Variants in APBA1 observed in about 807,000 individuals in gnomAD.
APBA1 encodes amyloid beta precursor protein binding family A member 1.
APBA1 carries 55 observed loss-of-function variants against 86.6 expected under a neutral mutation model. The observed-to-expected ratio is 0.64, with a 90% CI of 0.51 to 0.80. The LOEUF (loss-of-function observed/expected upper bound fraction) is 0.80, where lower values mean the gene tolerates loss of function less well. Among genes scored for constraint, APBA1 ranks in the 30% least tolerant of loss-of-function variants. APBA1 has a pLI of 0.00. For synonymous variants in APBA1, 511 were observed against 493.9 expected, an observed-to-expected ratio of 1.03 and a Z score of -0.46; for missense variants, 1,090 against 1,183.0, an observed-to-expected ratio of 0.92 and a Z score of 1.15.
chr9:69,451,386 T>G (rs1421129390), intron 9 of APBA1, among the ~76,000 whole-genome samples: 1 of 152,176 alleles, frequency 6.6e-6, no homozygotes, highest in Non-Finnish European at 1.5e-5. Context: ...ATGATCACTT[T>G]CTCATTAAAA....
intron 9 of APBA1, among the ~76,000 whole-genome samples, chr9:69,450,678 T>G (rs973524992): frequency 1.3e-5 from 2 of 152,214 alleles, no homozygotes; most frequent in African/African-American, 4.8e-5. Context: ...CAACCCCCAG[T>G]GCCTTTGACT....
At chr9:69,515,872 G>T in intron 2 of APBA1, 139 bp downstream of exon 2, 1 of 889,806 alleles carries the variant, frequency 1.1e-6, no homozygotes. Flanking sequence ...CTGTTTCTGA[G>T]GCTTACGGTG....
At chr9:69,444,165 T>G (rs143084804) in intron 10 of APBA1, among the ~76,000 whole-genome samples, 1 of 152,340 alleles carries the variant, frequency 6.6e-6, no homozygotes, top group Non-Finnish European at 1.5e-5. Flanking sequence ...GTGGCCTCGA[T>G]GTACCATGCG....
rs186184734 is a variant in APBA1, at chr9:69,602,334, G to A, written c.-70+69819C>T. Among the ~76,000 whole-genome samples the A allele has an allele frequency of 2.9e-3, 438 of 152,238 alleles. 4 individuals carry two copies. The highest frequency in any genetic ancestry group is 0.01 in the African/African-American group (417 of 41,528). ...AGCCTGTAATCCCAGCACTTTGGGA[G>A]GACGAGGCGGGCGGATCATGAGGTC... is the stretch of plus-strand genomic sequence containing the variant. On this transcript the variant is annotated intron_variant, in intron 1 of 12. Transcript: ENST00000265381.
intron 1 of APBA1, among the ~76,000 whole-genome samples, chr9:69,584,148 A>T (rs1285664308): frequency 6.6e-6 from 1 of 152,220 alleles, no homozygotes; most frequent in Non-Finnish European, 1.5e-5. Context: ...CAGTGAAAGA[A>T]AATATTGATT....
intron 1 of APBA1, among the ~76,000 whole-genome samples, chr9:69,607,091 T>C (rs1286596725): frequency 6.6e-6 from 1 of 152,230 alleles, no homozygotes; most frequent in Non-Finnish European, 1.5e-5. Flanking sequence ...TGTCTGTTAT[T>C]ATCTCTTTGG....
Position 69,431,312 on chromosome 9 carries a change from C to G in APBA1, c.*15G>C. The G allele has an allele frequency of 6.3e-7, 1 of 1,585,948 alleles. No homozygotes were observed. Among genetic ancestry groups the G allele is most frequent in the Non-Finnish European group, 8.6e-7 (1 of 1,167,308 alleles). ...GAGGAGAGTCCTCCATGCATGCCAC[C>G]GCGTGTGGCCGCGGTCAGATGTAAA... On this transcript the variant is annotated 3_prime_UTR_variant, in exon 13 of 13. Coordinates refer to ENST00000265381, the MANE Select transcript of APBA1 (RefSeq NM_001163.4).
chr9:69,504,230 T>C (rs903711229), intron 2 of APBA1, among the ~76,000 whole-genome samples: 12 of 152,112 alleles, frequency 7.9e-5, no homozygotes, highest in African/African-American at 1.4e-4. Flanking sequence ...AGGTACCCAG[T>C]AGACTCTTTT....
At chr9:69,482,461 A>T (rs1221839843) in intron 2 of APBA1, among the ~76,000 whole-genome samples, 1 of 151,310 alleles carries the variant, frequency 6.6e-6, no homozygotes, top group African/African-American at 2.4e-5. Context: ...ATCATTAAAA[A>T]GTCAGGAAAC....
chr9:69,458,259 G>C, intron 5 of APBA1, 71 bp from the exon 6 acceptor site: 1 of 1,445,192 alleles, frequency 6.9e-7, no homozygotes, highest in Non-Finnish European at 9.5e-7. Flanking sequence ...AAGTCAAAAA[G>C]GGAATTGACA....
At chr9:69,497,534 C>T (rs998281148) in intron 2 of APBA1, among the ~76,000 whole-genome samples, 7 of 152,102 alleles carry the variant, frequency 4.6e-5, no homozygotes, top group Admixed American at 3.3e-4. Flanking sequence ...CCCCAAAGTC[C>T]GAGAGTATCA....
chr9:69,574,032 T>C (rs952780980), intron 1 of APBA1, among the ~76,000 whole-genome samples: 1 of 152,216 alleles, frequency 6.6e-6, no homozygotes, highest in Non-Finnish European at 1.5e-5. Context: ...CCTACAAAAA[T>C]AGTAATTTAT....
At chr9:69,651,470 C>T (rs1228284551) in intron 1 of APBA1, among the ~76,000 whole-genome samples, 1 of 152,008 alleles carries the variant, frequency 6.6e-6, no homozygotes, top group Non-Finnish European at 1.5e-5. Flanking sequence ...TAAATAATGA[C>T]TGACTGTATT....
At chr9:69,567,615 T>A (rs925902803) in intron 1 of APBA1, among the ~76,000 whole-genome samples, 10 of 151,954 alleles carry the variant, frequency 6.6e-5, no homozygotes, top group African/African-American at 2.4e-4. Flanking sequence ...ATGTCCCCCT[T>A]CCTGTGTCCA....
At chr9:69,561,375 T>C (rs1452888052) in intron 1 of APBA1, among the ~76,000 whole-genome samples, 1 of 152,234 alleles carries the variant, frequency 6.6e-6, no homozygotes, top group East Asian at 1.9e-4. Flanking sequence ...CTTTGAGTGA[T>C]ACTGCTTTAG....
chr9:69,457,501 T>C (rs930774205), intron 6 of APBA1, among the ~76,000 whole-genome samples: 13 of 152,170 alleles, frequency 8.5e-5, no homozygotes, highest in African/African-American at 2.7e-4. Context: ...CCAAAAGACC[T>C]TGGGGAAGTC....
intron 2 of APBA1, among the ~76,000 whole-genome samples, chr9:69,492,645 A>T (rs888384056): frequency 2.0e-5 from 3 of 152,128 alleles, no homozygotes; most frequent in African/African-American, 7.2e-5. Context: ...CTCCCGACCA[A>T]GACAGTATTT....
In APBA1 at chr9:69,443,755, G is replaced by C. The variant is rs924111188; in HGVS notation, c.2182-2640C>G. 4.6e-5 allele frequency among the ~76,000 whole-genome samples: 7 copies of C among 152,164 alleles called. No individual in the cohort carries two copies. In the East Asian group the frequency reaches 9.6e-4, roughly 21 times the overall value. On this transcript the variant is annotated intron_variant, in intron 10 of 12. Coordinates refer to ENST00000265381, the MANE Select transcript of APBA1 (RefSeq NM_001163.4). Reference sequence around the variant, plus strand: ...ACTCACTCACATTCACACACAGCAAGATTCAATCCTATGTCTGTCCGCATT... The same window carrying C: ...ACTCACTCACATTCACACACAGCAACATTCAATCCTATGTCTGTCCGCATT...
At chr9:69,501,115 T>TG (rs1034079627) in intron 2 of APBA1, among the ~76,000 whole-genome samples, 6 of 152,034 alleles carry the variant, frequency 3.9e-5, no homozygotes, top group Non-Finnish European at 7.4e-5. Flanking sequence ...CATGTCAAGC[T>TG]GAATGTCTGT....
Sources: allele counts gnomAD v4.1 joint callset (sites outside exome capture counted in the v4.1 genomes callset), GRCh38; gene constraint gnomAD v4.1.1; transcripts MANE v1.5; gene names NCBI Gene and HGNC (gene_info 2026-07-23, HGNC 2026-07-21).